The following CLDN16 variants were observed in gnomAD, a reference collection of about 807,000 sequenced individuals.
CLDN16 encodes claudin 16.
Under a neutral mutation model 24.6 loss-of-function variants are expected in CLDN16, and 13 were observed. That is an observed-to-expected ratio of 0.53 (90% confidence interval 0.34 to 0.84). The LOEUF (loss-of-function observed/expected upper bound fraction) is 0.84, where lower values mean the gene tolerates loss of function less well. Among genes scored for constraint, CLDN16 ranks in the 40% least tolerant of loss-of-function variants. The pLI is 0.01. For missense variants in CLDN16, 298 were observed against 292.7 expected, an observed-to-expected ratio of 1.02 and a Z score of -0.13; for synonymous variants, 116 against 106.7, an observed-to-expected ratio of 1.09 and a Z score of -0.54.
At chr3:190,324,747 G>A (rs889224148) in intron 1 of CLDN16, among the ~76,000 whole-genome samples, 1 of 152,132 alleles carries the variant, frequency 6.6e-6, no homozygotes, top group African/African-American at 2.4e-5. Context: ...CTGTGATTCA[G>A]GCCCATCTCT....
At chr3:190,302,731 A>G in the CLDN16 span, among the ~76,000 whole-genome samples, 1 of 150,596 alleles carries the variant, frequency 6.6e-6, no homozygotes, top group Non-Finnish European at 1.5e-5. Flanking sequence ...AGATCATGTC[A>G]CTGGAATCCA....
chr3:190,369,896 G>A (rs1718100336), intron 1 of CLDN16, among the ~76,000 whole-genome samples: 1 of 151,972 alleles, frequency 6.6e-6, no homozygotes, highest in African/African-American at 2.4e-5. Context: ...TCCCTTGCTT[G>A]AGTAAAAGGT....
the CLDN16 span, among the ~76,000 whole-genome samples, chr3:190,309,592 C>A: frequency 6.6e-6 from 1 of 152,194 alleles, no homozygotes; most frequent in South Asian, 2.1e-4. Flanking sequence ...TAAGAATCAG[C>A]TCAACTTGCA....
At chr3:190,297,769 T>C in the CLDN16 span, among the ~76,000 whole-genome samples, 3 of 142,958 alleles carry the variant, frequency 2.1e-5, no homozygotes, top group Admixed American at 7.4e-5. Context: ...CACACATATA[T>C]ACATACCTGA....
upstream of CLDN16, among the ~76,000 whole-genome samples, chr3:190,384,059 G>A (rs117818923): frequency 3.3e-5 from 5 of 152,206 alleles, no homozygotes; most frequent in East Asian, 9.7e-4. Flanking sequence ...ATATAAATGG[G>A]CTTAGCCTAA....
intron 3 of CLDN16, among the ~76,000 whole-genome samples, chr3:190,382,690 A>T (rs1466826568): frequency 6.6e-6 from 1 of 152,148 alleles, no homozygotes; most frequent in Non-Finnish European, 1.5e-5. Flanking sequence ...ATATTCTCTG[A>T]AGCCTGCCAG....
At chr3:190,322,231 C>A, upstream of CLDN16, 1 of 1,607,654 alleles carries the variant, frequency 6.2e-7, no homozygotes, top group Non-Finnish European at 8.5e-7. Flanking sequence ...CCCGCGCTGG[C>A]TCAGGGGTGG....
At chr3:190,342,080 C>A (rs1577402119) in intron 1 of CLDN16, among the ~76,000 whole-genome samples, 1 of 152,228 alleles carries the variant, frequency 6.6e-6, no homozygotes, top group African/African-American at 2.4e-5. Flanking sequence ...AACTTTCTCA[C>A]ATCTTCCTGT....
upstream of CLDN16, chr3:190,388,052 C>T: frequency 6.9e-7 from 1 of 1,451,650 alleles, no homozygotes; most frequent in Non-Finnish European, 9.6e-7. Context: ...CTCCTCTCTC[C>T]CCCACCCGAA....
chr3:190,376,045 G>A (rs1172043265), intron 3 of CLDN16, among the ~76,000 whole-genome samples: 1 of 151,820 alleles, frequency 6.6e-6, no homozygotes, highest in African/African-American at 2.4e-5. Context: ...TTTAGTGGCA[G>A]GTACTACTAG....
chr3:190,320,751 T>TA (rs1716895775), upstream of CLDN16, among the ~76,000 whole-genome samples: 1 of 152,122 alleles, frequency 6.6e-6, no homozygotes, highest in African/African-American at 2.4e-5. Context: ...TTTTCACCCT[T>TA]AGCATGCAAT....
At chr3:190,325,682 C>T (rs1263830318) in intron 1 of CLDN16, among the ~76,000 whole-genome samples, 2 of 152,102 alleles carry the variant, frequency 1.3e-5, no homozygotes, top group African/African-American at 4.8e-5. Context: ...AGAACCAAGC[C>T]TCTAAGAGGC....
chr3:190,291,104 A>G, the CLDN16 span, among the ~76,000 whole-genome samples: 1 of 152,148 alleles, frequency 6.6e-6, no homozygotes, highest in Non-Finnish European at 1.5e-5. Flanking sequence ...ATATCTAGAG[A>G]AAAACAATCT....
chr3:190,302,779 A>ATATAT, the CLDN16 span, among the ~76,000 whole-genome samples: 1 of 140,180 alleles, frequency 7.1e-6, no homozygotes, highest in African/African-American at 2.7e-5. Context: ...CTCAAAAAAA[A>ATATAT]ATATATATAT....
chr3:190,406,798 G>A (rs1002446158), intron 3 of CLDN16, among the ~76,000 whole-genome samples: 67 of 142,622 alleles, frequency 4.7e-4, no homozygotes, highest in African/African-American at 1.6e-3. Flanking sequence ...CTGGAGTGCA[G>A]TGGCGTGATC....
intron 1 of CLDN16, among the ~76,000 whole-genome samples, chr3:190,324,078 A>C (rs1287800274): frequency 6.6e-6 from 1 of 152,222 alleles, no homozygotes; most frequent in Admixed American, 6.5e-5. Context: ...CAGAGAAGGC[A>C]CTGGAATTTG....
the CLDN16 span, among the ~76,000 whole-genome samples, chr3:190,296,584 C>T: frequency 6.8e-6 from 1 of 146,596 alleles, no homozygotes; most frequent in Non-Finnish European, 1.5e-5. Flanking sequence ...GAGCCTCGCT[C>T]TGTCGCCCAG....
At chr3:190,374,456 G>A (rs1308356793) in intron 2 of CLDN16, 1 of 151,826 alleles carries the variant, frequency 6.6e-6, no homozygotes, top group African/African-American at 2.4e-5. Flanking sequence ...TTAAGGGAGT[G>A]GCAAGCTAAG....
the CLDN16 span, among the ~76,000 whole-genome samples, chr3:190,314,011 A>G: frequency 6.6e-6 from 1 of 152,206 alleles, no homozygotes; most frequent in East Asian, 1.9e-4. Context: ...TCACTATATC[A>G]TTGACAGTGA....
Sources: gnomAD v4.1 joint callset for allele counts (sites outside exome capture counted in the v4.1 genomes callset) on GRCh38, gnomAD v4.1.1 for gene constraint, MANE v1.5 for transcripts, NCBI Gene and HGNC (gene_info 2026-07-23, HGNC 2026-07-21) for gene names.